Variants in DIP2B observed in about 807,000 individuals in gnomAD.
The protein encoded by DIP2B is DIP2 acetate--CoA ligase B (putative), also known as disco-interacting protein 2 homolog B.
In DIP2B, 76 loss-of-function variants were observed where a neutral mutation model predicts 198.0. That is an observed-to-expected ratio of 0.38 (90% CI 0.32 to 0.46). DIP2B has a LOEUF of 0.46. Among genes scored for constraint, DIP2B ranks in the 20% least tolerant of loss-of-function variants. The pLI is 0.99. For synonymous variants in DIP2B, 701 were observed against 739.1 expected (o/e 0.95, Z 0.84); for missense variants, 1,559 against 1,978.4 (o/e 0.79, Z 4.02).
At chr12:50,741,903 T>C (rs540405931) in intron 37 of DIP2B, among the ~76,000 whole-genome samples, 1 of 152,368 alleles carries the variant, frequency 6.6e-6, no homozygotes, top group South Asian at 2.1e-4. Flanking sequence ...TCTCCTCATC[T>C]GTAAAACACT....
In DIP2B at chr12:50,523,942, C is replaced by T. The variant is rs995261856; in HGVS notation, c.100+18702C>T. 2.6e-5 allele frequency among the ~76,000 whole-genome samples: 4 copies of T among 152,166 alleles called. 1 individual carries two copies. The highest frequency in any genetic ancestry group is 1.3e-4 in the Admixed American group (2 of 15,266). ...CTGGAGCTAGAAAGAAAAGCCTCTT[C>T]CTGCAATGTCTTTCCAGTGCCCTCT... On this transcript the variant is annotated intron_variant, in intron 1 of 37. Coordinates refer to ENST00000301180, the MANE Select transcript of DIP2B (RefSeq NM_173602.3).
At position 50,512,868 on chromosome 12, in the gene DIP2B, G is replaced by A. The variant is rs191463718; in HGVS notation, c.100+7628G>A. Among the ~76,000 whole-genome samples, 7 of 152,256 alleles carry A rather than the reference G, an allele frequency of 4.6e-5. No homozygotes were observed. In the East Asian group the frequency reaches 7.7e-4, roughly 17 times the overall value. ...TAAAATACAAAAAAATTAGCCGGGC[G>A]TGGCGGCATGCACCTGTAGTCCCAG... On this transcript the variant is annotated intron_variant, in intron 1 of 37. Coordinates refer to ENST00000301180, the MANE Select transcript of DIP2B (RefSeq NM_173602.3).
intron 32 of DIP2B, among the ~76,000 whole-genome samples, chr12:50,733,152 C>T (rs1382251041): frequency 2.6e-5 from 4 of 151,968 alleles, no homozygotes; most frequent in Admixed American, 1.3e-4. Flanking sequence ...GTGATCCAGC[C>T]GCCTCAGCCT....
At position 50,748,583 on chromosome 12, in the gene DIP2B, A is replaced by G. The variant is rs1164356546; in HGVS notation, c.*3744A>G. ...CTAGATATACGTTTTTAAATTTAACATCTGGCTGGACAGTGTTCTATTAAC... is the reference window on the plus strand; with the variant it reads ...CTAGATATACGTTTTTAAATTTAACGTCTGGCTGGACAGTGTTCTATTAAC... On this transcript the variant is annotated 3_prime_UTR_variant, in exon 38 of 38. Coordinates refer to ENST00000301180, the MANE Select transcript of DIP2B (RefSeq NM_173602.3). 6.5e-6 allele frequency: 1 copy of G among 152,680 alleles called. No individual in the cohort carries two copies. Among genetic ancestry groups the G allele is most frequent in the African/African-American group, 2.4e-5 (1 of 41,466 alleles). The allele number at this position is 152,680 out of a possible 1,614,324, so 9.5% of individuals were successfully genotyped here.
intron 1 of DIP2B, among the ~76,000 whole-genome samples, chr12:50,580,846 GA>G (rs1958719191): frequency 6.7e-6 from 1 of 148,804 alleles, no homozygotes; most frequent in Non-Finnish European, 1.5e-5. Context: ...TCAAATGATG[GA>G]AATATCCTAC....
chr12:50,609,147 A>T (rs914912377), intron 1 of DIP2B, among the ~76,000 whole-genome samples: 15 of 152,212 alleles, frequency 9.9e-5, no homozygotes, highest in African/African-American at 2.4e-4. Context: ...AAAATAATAA[A>T]AAAAAAATTA....
chr12:50,623,791 G>A (rs1443732180), intron 1 of DIP2B, among the ~76,000 whole-genome samples: 3 of 152,110 alleles, frequency 2.0e-5, no homozygotes, highest in Non-Finnish European at 2.9e-5. Context: ...CAGCACTGCT[G>A]GCATTTTGGG....
At chr12:50,527,579 A>G (rs1958178074) in intron 1 of DIP2B, among the ~76,000 whole-genome samples, 1 of 152,122 alleles carries the variant, frequency 6.6e-6, no homozygotes, top group Non-Finnish European at 1.5e-5. Flanking sequence ...AGTTCAAGAT[A>G]GTGAGACTCT....
intron 26 of DIP2B, 43 bp from the exon 27 acceptor site, chr12:50,723,159 A>C: frequency 6.2e-7 from 1 of 1,612,132 alleles, no homozygotes; most frequent in Non-Finnish European, 8.5e-7. Context: ...CAGTGCTCTT[A>C]GGCAGTTCAG....
intron 23 of DIP2B, among the ~76,000 whole-genome samples, chr12:50,715,584 A>AG (rs1939699815): frequency 6.6e-6 from 1 of 152,238 alleles, no homozygotes; most frequent in Non-Finnish European, 1.5e-5. Context: ...CAAGAAAGAA[A>AG]GGAAGGATTG....
chr12:50,561,538 A>G (rs545634111), intron 1 of DIP2B, among the ~76,000 whole-genome samples: 17 of 152,320 alleles, frequency 1.1e-4, no homozygotes, highest in African/African-American at 3.1e-4. Context: ...CATCTCAGAT[A>G]ACAGAACACC....
At chr12:50,595,229 A>G (rs1593640127) in intron 1 of DIP2B, among the ~76,000 whole-genome samples, 1 of 152,342 alleles carries the variant, frequency 6.6e-6, no homozygotes, top group Middle Eastern at 3.4e-3. Flanking sequence ...ACAGTCGTAC[A>G]TTCTCTGACC....
intron 2 of DIP2B, among the ~76,000 whole-genome samples, chr12:50,635,891 A>G (rs1593674905): frequency 6.6e-6 from 1 of 152,310 alleles, no homozygotes; most frequent in African/African-American, 2.4e-5. Context: ...AGCAACTACT[A>G]TTATTGGTGG....
At chr12:50,541,652 C>T (rs73117188) in intron 1 of DIP2B, among the ~76,000 whole-genome samples, 13 of 152,224 alleles carry the variant, frequency 8.5e-5, no homozygotes, top group Non-Finnish European at 1.6e-4. Flanking sequence ...ATTTCTTCTG[C>T]TAACCCATAG....
intron 2 of DIP2B, among the ~76,000 whole-genome samples, chr12:50,630,889 T>G (rs1023291805): frequency 1.3e-5 from 2 of 152,078 alleles, no homozygotes; most frequent in Non-Finnish European, 2.9e-5. Flanking sequence ...CAGGCTGGTC[T>G]CGAACTCCTG....
chr12:50,626,656 G>A (rs1937940842), intron 2 of DIP2B, among the ~76,000 whole-genome samples: 1 of 151,946 alleles, frequency 6.6e-6, no homozygotes, highest in African/African-American at 2.4e-5. Flanking sequence ...GATTTCCTTT[G>A]ACAGCCTATT....
At chr12:50,594,184 T>G (rs1565837616) in intron 1 of DIP2B, among the ~76,000 whole-genome samples, 1 of 151,514 alleles carries the variant, frequency 6.6e-6, no homozygotes, top group Non-Finnish European at 1.5e-5. Context: ...GCTCAGGTAA[T>G]CCACCCGCCT....
At chr12:50,533,430 C>T (rs1232470872) in intron 1 of DIP2B, among the ~76,000 whole-genome samples, 1 of 152,110 alleles carries the variant, frequency 6.6e-6, no homozygotes, top group Non-Finnish European at 1.5e-5. Context: ...AGGGTAGCGT[C>T]GAACTAGAGT....
At chr12:50,678,954 T>G (rs1261833971) in intron 8 of DIP2B, 78 bp downstream of exon 8, 6 of 1,489,290 alleles carry the variant, frequency 4.0e-6, no homozygotes, top group Non-Finnish European at 5.5e-6. Flanking sequence ...ATCTAGATAC[T>G]TAGCAGTTGC....
Sources: allele counts gnomAD v4.1 joint callset (sites outside exome capture counted in the v4.1 genomes callset), GRCh38; gene constraint gnomAD v4.1.1; transcripts MANE v1.5; gene names NCBI Gene and HGNC (gene_info 2026-07-23, HGNC 2026-07-21).